The following TTN variants were observed in gnomAD, a reference collection of about 807,000 sequenced individuals.
TTN encodes titin.
In TTN, 1,525 loss-of-function variants were observed where a neutral mutation model predicts 3,223.0. The ratio of observed to expected loss-of-function variants is 0.47; its 90% CI spans 0.45 to 0.49. The LOEUF (loss-of-function observed/expected upper bound fraction) is 0.49, where lower values mean the gene tolerates loss of function less well. TTN is among the 20% of genes least tolerant of loss of function. The probability of loss-of-function intolerance (pLI) is 0.00; values close to 1 mark genes in which losing one functional copy is unlikely to be tolerated. For missense variants in TTN, 40,786 were observed against 43,424.0 expected (o/e 0.94, Z 5.40); for synonymous variants, 14,094 against 15,161.0 (o/e 0.93, Z 5.17).
chr2:178,555,220 C>T (rs556327299), intron 330 of TTN, 68 bp from the exon 331 acceptor site: 103 of 1,443,700 alleles, frequency 7.1e-5, no homozygotes, highest in Non-Finnish European at 7.0e-5. Flanking sequence ...GTTGCACCAA[C>T]CTTAAAGTAA....
Position 178,636,164 on chromosome 2 carries a change from C to G in TTN, c.41407G>C (p.Glu13803Gln). The change falls in exon 226 of 363, where the codon GAG (glutamate) becomes CAG (glutamine). Residue 13803 changes from glutamate (E) to glutamine (Q), a missense_variant. Glu to Gln is a conservative substitution (Grantham distance 29). Transcript: ENST00000589042. This position sits in a 1 kb window ranked among gnomAD's most constrained non-coding sequence, Gnocchi z 4.3. ...VKGQPLYLSC[E>Q]LNKERDVVWR... ...ACCACGTCACGCTCTTTGTTTAACTCGCAGCTCAAGTACAATGGCTGTCCT... is the reference window on the plus strand; with the variant it reads ...ACCACGTCACGCTCTTTGTTTAACTGGCAGCTCAAGTACAATGGCTGTCCT... 1 of 1,612,748 alleles carries G rather than the reference C, an allele frequency of 6.2e-7. No individual in the cohort carries two copies. Among genetic ancestry groups the G allele is most frequent in the East Asian group, 2.2e-5 (1 of 44,596 alleles).
intron 15 of TTN, 72 bp from the exon 16 acceptor site, chr2:178,784,423 C>G (rs2093022213): frequency 1.3e-6 from 2 of 1,575,562 alleles, no homozygotes; most frequent in Admixed American, 3.4e-5. Context: ...TGGACTGAGT[C>G]TGAGCCTATT....
chr2:178,703,942 C>T (rs181725406), intron 106 of TTN, among the ~76,000 whole-genome samples: 3 of 152,270 alleles, frequency 2.0e-5, no homozygotes, highest in African/African-American at 4.8e-5. Flanking sequence ...TCTAAAAGAA[C>T]GATGCAAAAG....
chr2:178,593,038 C>T lies in TTN; in HGVS notation c.59081G>A (p.Cys19694Tyr), dbSNP rs727505276. ...PVNPEAIDTT[C>Y]NSVDLTWQPP... ...CTGCCAAGTTAGATCGACTGAATTG[C>T]ATGTTGTATCTATTGCTTCAGGATT... Residue 19694 changes from cysteine to tyrosine, a missense_variant, in exon 300 of 363, where the codon TGC (cysteine) becomes TAC (tyrosine). Physicochemically the swap from Cys to Tyr is radical, Grantham distance 194. Transcript: ENST00000589042. 31 of 1,613,270 alleles carry T rather than the reference C, an allele frequency of 1.9e-5. No individual in the cohort carries two copies. The African/African-American group carries it at 4.1e-4, about 22-fold the overall frequency.
chr2:178,534,575 G>T lies in TTN; in HGVS notation c.102040C>A (p.Pro34014Thr), dbSNP rs775271604. The T allele has an allele frequency of 1.5e-5, 24 of 1,613,726 alleles. No homozygotes were observed. Among genetic ancestry groups the T allele is most frequent in the East Asian group, 2.2e-5 (1 of 44,890 alleles). The stretch of plus-strand genomic sequence containing the variant: ...TGTTGGTTAGTTTCAGCCAGGAATG[G>T]GTTGATACCACTCAATAGCACATAT... ...LVYVLLSGINPFLAETNQQII... is the reference protein window; with the variant it reads ...LVYVLLSGINTFLAETNQQII... The change falls in exon 358 of 363, where the codon CCA (proline) becomes ACA (threonine). Residue 34014 changes from proline to threonine, a missense_variant. Physicochemically the swap from Pro to Thr is conservative, Grantham distance 38. Coordinates refer to ENST00000589042, the MANE Select transcript of TTN (RefSeq NM_001267550.2).
At chr2:178,764,478 C>A (rs767924845) in intron 42 of TTN, 49 bp downstream of exon 42, 1 of 1,613,240 alleles carries the variant, frequency 6.2e-7, no homozygotes, top group South Asian at 1.1e-5. Context: ...AGGACAAAAG[C>A]CTGCTTCTTA....
intron 149 of TTN, 96 bp from the exon 150 acceptor site, chr2:178,675,209 C>T (rs2067790797): frequency 1.4e-6 from 1 of 699,022 alleles, no homozygotes. Flanking sequence ...GAGTAAATAT[C>T]ACAAGGCACA....
intron 336 of TTN, 52 bp from the exon 337 acceptor site, chr2:178,550,325 C>T: frequency 1.4e-6 from 2 of 1,448,550 alleles, no homozygotes; most frequent in Non-Finnish European, 1.9e-6. Flanking sequence ...TAAAGACATA[C>T]ATAAATATAT....
At chr2:178,615,583 G>A in intron 258 of TTN, 58 bp downstream of exon 258, 2 of 1,610,186 alleles carry the variant, frequency 1.2e-6, no homozygotes, top group Non-Finnish European at 1.7e-6. Flanking sequence ...TCAACTCTAG[G>A]TCTAAAAGCA....
Position 178,569,333 on chromosome 2 carries a change from T to C in TTN, c.76799A>G (p.Asp25600Gly). The C allele has an allele frequency of 6.2e-7, 1 of 1,613,404 alleles. No homozygotes were observed. Among genetic ancestry groups the C allele is most frequent in the Non-Finnish European group, 8.5e-7 (1 of 1,179,554 alleles). The change falls in exon 326 of 363, where the codon GAC becomes GGC. Residue 25600 changes from aspartate (D) to glycine (G), a missense_variant. Transcript: ENST00000589042. The part of the protein sequence containing the change: ...KSAFVTVRVL[D>G]TPSPPVNLKV... The stretch of plus-strand genomic sequence containing the variant: ...CAGGTTAACAGGTGGACTTGGCGTG[T>C]CCAGAACTCTCACAGTAACAAAGGC...
chr2:178,646,845 A>T (rs965280574), intron 215 of TTN, among the ~76,000 whole-genome samples: 2 of 151,994 alleles, frequency 1.3e-5, no homozygotes, highest in African/African-American at 4.8e-5. Context: ...TGCTTCAGTA[A>T]ACTGTACCTT....
In TTN at chr2:178,733,758, C is replaced by G; in HGVS notation, c.15631G>C (p.Asp5211His). The G allele has an allele frequency of 1.9e-6, 3 of 1,613,848 alleles. No homozygotes were observed. Among genetic ancestry groups the G allele is most frequent in the South Asian group, 2.2e-5 (2 of 91,086 alleles). ...WMKGQEVIRE[D>H]GKIKMSFSNG... ...GAAAAGCTCATTTTGATTTTTCCGT[C>G]TTCTCTGATGACCTCTTGACCTTTC... Residue 5211 changes from aspartate to histidine, a missense_variant, in exon 53 of 363, where the codon GAC becomes CAC. Transcript: ENST00000589042.
In TTN at chr2:178,530,908, G is replaced by A. The variant is rs1575223142; in HGVS notation, c.105707C>T (p.Ser35236Phe). 6.2e-7 allele frequency: 1 copy of A among 1,613,946 alleles called. No homozygotes were observed. The highest frequency in any genetic ancestry group is 1.6e-4 in the Middle Eastern group (1 of 6,062). Residue 35236 changes from serine (S) to phenylalanine (F), a missense_variant, in exon 358 of 363, where the codon TCC becomes TTC. By Grantham distance (155) the Ser-to-Phe change is radical. Coordinates refer to ENST00000589042, the MANE Select transcript of TTN (RefSeq NM_001267550.2). Reference protein sequence around the residue: ...KAVTSPPRVKSPEPRVKSPEA... With the variant: ...KAVTSPPRVKFPEPRVKSPEA... ...TGGGGATTTCACCCGAGGCTCTGGG[G>A]ATTTGACTCTTGGTGGTGATGTCAC...
In TTN at chr2:178,711,112, G is replaced by A; in HGVS notation, c.28124C>T (p.Ala9375Val). 1 of 1,613,600 alleles carries A rather than the reference G, an allele frequency of 6.2e-7. No individual in the cohort carries two copies. Among genetic ancestry groups the A allele is most frequent in the Non-Finnish European group, 8.5e-7 (1 of 1,179,652 alleles). The change falls in exon 97 of 363, where the codon GCT (alanine) becomes GTT (valine). Residue 9375 changes from alanine (A) to valine (V), a missense_variant. Transcript: ENST00000589042. ...AGAAGCAGAGCCTATAGGGTTTGTA[G>A]CTGTGCAGGAATACTGGCCTGCAAG... ...RSLAGQYSCT[A>V]TNPIGSASSS...
In TTN at chr2:178,621,927, C is replaced by T. The variant is rs1382155901; in HGVS notation, c.44995G>A (p.Val14999Ile). 1.2e-6 allele frequency: 2 copies of T among 1,612,002 alleles called. No homozygotes were observed. Among genetic ancestry groups the T allele is most frequent in the Admixed American group, 3.3e-5 (2 of 59,796 alleles). ...IISKGAVRIL[V>I]INKCLLDDEA... ...TCATCCAGTAGACATTTGTTGATGA[C>T]AAGAATGCGCACTGCTCCCTTGGAT... Residue 14999 changes from valine (V) to isoleucine (I), a missense_variant, in exon 244 of 363, where the codon GTC becomes ATC. By Grantham distance (29) the Val-to-Ile change is conservative (BLOSUM62 3). Transcript: ENST00000589042.
Position 178,738,189 on chromosome 2 carries a change from G to A in TTN, c.14264C>T (p.Ser4755Phe). The A allele has an allele frequency of 6.2e-7, 1 of 1,613,770 alleles. No individual in the cohort carries two copies. Among genetic ancestry groups the A allele is most frequent in the Non-Finnish European group, 8.5e-7 (1 of 1,179,786 alleles). The change falls in exon 49 of 363, where the codon TCC becomes TTC. Residue 4755 changes from serine to phenylalanine, a missense_variant. Physicochemically the swap from Ser to Phe is radical, Grantham distance 155. Coordinates refer to ENST00000589042, the MANE Select transcript of TTN (RefSeq NM_001267550.2). ...CTGGGTTCTCAGGATTTCAAGGCTG[G>A]AGATATACTTTGAAGATCGAATAGA... ...KCSIRSSKYI[S>F]SLEILRTQVV...
In TTN at chr2:178,780,061, G is replaced by T; in HGVS notation, c.3668C>A (p.Ala1223Asp). 3.7e-6 allele frequency: 6 copies of T among 1,613,560 alleles called. No individual in the cohort carries two copies. The highest frequency in any genetic ancestry group is 5.1e-6 in the Non-Finnish European group (6 of 1,179,844). The part of the protein sequence containing the change: ...EYEKEYEKEQ[A>D]LIRKKMAKDT... ...TTTGGCCATTTTCTTCCTAATTAAG[G>T]CTTGTTCTTTTTCATACTCTTTTTC... Residue 1223 changes from alanine (A) to aspartate (D), a missense_variant, in exon 22 of 363, where the codon GCC becomes GAC. Transcript: ENST00000589042.
rs727504539 is a variant in TTN, at chr2:178,636,067, C to T, written c.41504G>A (p.Arg13835Gln). The T allele has an allele frequency of 9.9e-6, 16 of 1,613,184 alleles. No individual in the cohort carries two copies. Among genetic ancestry groups the T allele is most frequent in the Non-Finnish European group, 1.2e-5 (14 of 1,179,520 alleles). The part of the protein sequence containing the change: ...RIVPGVIGLM[R>Q]ALTINDADDT... ...ATCTGCATCGTTGATGGTCAGAGCCCGCATCAAGCCAATGACGCCTGGCAC... is the reference window on the plus strand; with the variant it reads ...ATCTGCATCGTTGATGGTCAGAGCCTGCATCAAGCCAATGACGCCTGGCAC... Residue 13835 changes from arginine (R) to glutamine (Q), a missense_variant, in exon 226 of 363, where the codon CGG (arginine) becomes CAG (glutamine). Arg to Gln is a conservative substitution (Grantham distance 43). Coordinates refer to ENST00000589042, the MANE Select transcript of TTN (RefSeq NM_001267550.2). The surrounding 1 kb of genome is among the most constrained non-coding windows in gnomAD (Gnocchi z 4.3).
Position 178,612,400 on chromosome 2 carries a change from T to G in TTN, c.50125A>C (p.Lys16709Gln), listed in dbSNP as rs755961446. 5 of 1,612,546 alleles carry G rather than the reference T, an allele frequency of 3.1e-6. No individual in the cohort carries two copies. In the South Asian group the frequency reaches 5.5e-5, roughly 18 times the overall value. Residue 16709 changes from lysine to glutamine, a missense_variant, in exon 266 of 363, where the codon AAG (lysine) becomes CAG (glutamine). Coordinates refer to ENST00000589042, the MANE Select transcript of TTN (RefSeq NM_001267550.2). ...QTVDTTVKDT[K>Q]CTVTPLTEGS... Reference sequence around the variant, plus strand: ...TCAGTCAGTGGGGTGACTGTGCACTTGGTGTCCTTGACAGTGGTATCCACT... The same window carrying G: ...TCAGTCAGTGGGGTGACTGTGCACTGGGTGTCCTTGACAGTGGTATCCACT...
Sources: gnomAD v4.1 joint callset for allele counts (sites outside exome capture counted in the v4.1 genomes callset) on GRCh38, gnomAD v4.1.1 for gene constraint, Gnocchi (gnomAD v3.1) non-coding constraint, MANE v1.5 for transcripts, NCBI Gene and HGNC (gene_info 2026-07-23, HGNC 2026-07-21) for gene names.